TEK: variants seen among roughly 807,000 people sequenced by gnomAD.
TEK encodes angiopoietin-1 receptor.
TEK carries 43 observed loss-of-function variants against 131.8 expected under a neutral mutation model. The ratio of observed to expected loss-of-function variants is 0.33; its 90% confidence interval spans 0.26 to 0.42. TEK has a LOEUF of 0.42. Ranked by LOEUF, TEK falls within the 10% of genes least tolerant of loss-of-function variation. TEK has a pLI of 1.00. For missense variants in TEK, 1,162 were observed against 1,384.4 expected, an observed-to-expected ratio of 0.84 and a Z score of 2.55; for synonymous variants, 580 against 491.6, an observed-to-expected ratio of 1.18 and a Z score of -2.38.
intron 14 of TEK, among the ~76,000 whole-genome samples, 180 bp from the exon 15 acceptor site, chr9:27,206,402 C>T (rs1457538404): frequency 6.6e-6 from 1 of 152,174 alleles, no homozygotes; most frequent in South Asian, 2.1e-4. Flanking sequence ...CCCGTGCAGC[C>T]CTGTGGGCAG....
At chr9:27,182,747 T>C (rs1266129636) in intron 7 of TEK, among the ~76,000 whole-genome samples, 4 of 152,224 alleles carry the variant, frequency 2.6e-5, no homozygotes, top group Non-Finnish European at 5.9e-5. Flanking sequence ...GGGTTATTCA[T>C]TCTCTACTGT....
At chr9:27,194,918 A>G (rs1232426154) in intron 11 of TEK, among the ~76,000 whole-genome samples, 8 of 152,146 alleles carry the variant, frequency 5.3e-5, no homozygotes, top group Admixed American at 2.0e-4. Context: ...TAGTGCAGAA[A>G]GGGGCAGACA....
At chr9:27,217,180 A>AGAGAT (rs1825847321) in intron 18 of TEK, among the ~76,000 whole-genome samples, 1 of 152,222 alleles carries the variant, frequency 6.6e-6, no homozygotes. Context: ...CCCCTTGTCC[A>AGAGAT]GAGATGCTCT....
At chr9:27,211,592 C>T (rs943023475) in intron 16 of TEK, among the ~76,000 whole-genome samples, 3 of 151,972 alleles carry the variant, frequency 2.0e-5, no homozygotes, top group Non-Finnish European at 4.4e-5. Context: ...TCCCAAGTAG[C>T]TGGGACTACA....
chr9:27,219,524 A>AATACCTAATGTATG (rs1825965101), intron 20 of TEK, among the ~76,000 whole-genome samples: 1 of 152,060 alleles, frequency 6.6e-6, no homozygotes, highest in African/African-American at 2.4e-5. Flanking sequence ...CATTAGGACA[A>AATACCTAATGTATG]ATACCTAATG....
Position 27,177,612 on chromosome 9 carries a change from C to T in TEK, c.902-2628C>T, listed in dbSNP as rs141185723. On this transcript the variant is annotated intron_variant, in intron 6 of 22. Coordinates refer to ENST00000380036, the MANE Select transcript of TEK (RefSeq NM_000459.5). ...CTAAAAATACAGAATTAGTCAGGCA[C>T]GGTGGTGCATGCCTTTAATCCCAGC... Among the ~76,000 whole-genome samples the T allele has an allele frequency of 3.9e-3, 590 of 152,248 alleles. 4 individuals carry two copies. Among genetic ancestry groups the T allele is most frequent in the African/African-American group, 0.013 (555 of 41,550 alleles).
intron 20 of TEK, 122 bp downstream of exon 20, chr9:27,218,939 TGGAAATA>T (rs1825932938): frequency 1.0e-6 from 1 of 997,314 alleles, no homozygotes; most frequent in Non-Finnish European, 1.6e-6. Flanking sequence ...AGATGTGACT[TGGAAATA>T]GAAACATAGT....
intron 6 of TEK, among the ~76,000 whole-genome samples, chr9:27,173,720 CTTGTTTTTTTTTTT>C (rs1564076131): frequency 0.011 from 1,216 of 111,962 alleles, 22 homozygotes; most frequent in African/African-American, 0.039. Flanking sequence ...CCATAGAAGA[CTTGTTTTTTTTTTT>C]TGGTTTTTTT....
chr9:27,173,925 G>A (rs1343776087), intron 6 of TEK, among the ~76,000 whole-genome samples: 27 of 134,912 alleles, frequency 2.0e-4, no homozygotes, highest in African/African-American at 5.9e-4. Flanking sequence ...GTGAGACCTC[G>A]TTTAAAAAAA....
In TEK at chr9:27,202,973, A is replaced by T. The variant is rs1453924397; in HGVS notation, c.2063A>T (p.Lys688Met). 3 of 1,613,994 alleles carry T rather than the reference A, an allele frequency of 1.9e-6. No homozygotes were observed. Among genetic ancestry groups the T allele is most frequent in the Non-Finnish European group, 2.5e-6 (3 of 1,180,008 alleles). Residue 688 changes from lysine (K) to methionine (M), a missense_variant, in exon 13 of 23, where the codon AAG becomes ATG. Physicochemically the swap from Lys to Met is moderately conservative, Grantham distance 95 (BLOSUM62 -1). Transcript: ENST00000380036. ...AATGAAGACCAGCACGTTGATGTGA[A>T]GATAAAGAATGCCACCATCACTCAG... ...GKNEDQHVDV[K>M]IKNATITQYQ...
At chr9:27,225,275 T>C (rs1453873781) in intron 21 of TEK, among the ~76,000 whole-genome samples, 3 of 152,188 alleles carry the variant, frequency 2.0e-5, no homozygotes, top group Non-Finnish European at 4.4e-5. Flanking sequence ...AGAGCCTGCA[T>C]AGCCAAGACA....
chr9:27,130,245 T>C (rs1822159791), intron 1 of TEK, among the ~76,000 whole-genome samples: 1 of 152,138 alleles, frequency 6.6e-6, no homozygotes, highest in African/African-American at 2.4e-5. Context: ...GACTTGAGTT[T>C]ATATAAAATT....
intron 21 of TEK, among the ~76,000 whole-genome samples, chr9:27,224,746 G>A (rs1826241125): frequency 6.6e-6 from 1 of 152,168 alleles, no homozygotes; most frequent in African/African-American, 2.4e-5. Context: ...AGGATTGAAA[G>A]TTCTGGCCAG....
intron 1 of TEK, among the ~76,000 whole-genome samples, chr9:27,114,031 G>A (rs1342204179): frequency 1.3e-5 from 2 of 152,158 alleles, no homozygotes; most frequent in Non-Finnish European, 2.9e-5. Flanking sequence ...CTTCCCCTAA[G>A]TTTAGGCTCC....
chr9:27,143,661 C>T (rs549073029), intron 1 of TEK, among the ~76,000 whole-genome samples: 2 of 152,252 alleles, frequency 1.3e-5, no homozygotes, highest in South Asian at 4.1e-4. Flanking sequence ...CTCCTTACTT[C>T]CAGAACAACA....
At position 27,229,513 on chromosome 9, in the gene TEK, G is replaced by A; in HGVS notation, c.*281G>A. ...TTTTTTTAAAAATGTGGACTTCATAGGAAGGCGTGAGTACAATTAGTATAA... is the reference window on the plus strand; with the variant it reads ...TTTTTTTAAAAATGTGGACTTCATAAGAAGGCGTGAGTACAATTAGTATAA... On this transcript the variant is annotated 3_prime_UTR_variant, in exon 23 of 23. Transcript: ENST00000380036. 2.2e-6 allele frequency: 1 copy of A among 460,150 alleles called. No individual in the cohort carries two copies. The highest frequency in any genetic ancestry group is 4.0e-6 in the Non-Finnish European group (1 of 251,552). 28.5% of individuals were successfully genotyped at this position (460,150 alleles called of 1,614,324 possible).
rs1231293794 is a variant in TEK, at chr9:27,229,383, C to T, written c.*151C>T. 2.4e-5 allele frequency: 18 copies of T among 755,072 alleles called. No individual in the cohort carries two copies. The highest frequency in any genetic ancestry group is 4.0e-5 in the Non-Finnish European group (17 of 422,078). 46.8% of individuals were successfully genotyped at this position (755,072 alleles called of 1,614,324 possible). Reference sequence around the variant, plus strand: ...GACCTTCACCACTGTAGATCCCATGCATGGATCTATGTAGTATGCTCTGAC... The same window carrying T: ...GACCTTCACCACTGTAGATCCCATGTATGGATCTATGTAGTATGCTCTGAC... On this transcript the variant is annotated 3_prime_UTR_variant, in exon 23 of 23. Transcript: ENST00000380036.
chr9:27,213,674 TC>T, intron 18 of TEK, 77 bp downstream of exon 18: 1 of 1,089,786 alleles, frequency 9.2e-7, no homozygotes, highest in Non-Finnish European at 1.4e-6. Context: ...TCTGAGACTG[TC>T]AGTGCTCTGT....
At chr9:27,224,219 C>T (rs1166385269) in intron 21 of TEK, among the ~76,000 whole-genome samples, 2 of 151,570 alleles carry the variant, frequency 1.3e-5, no homozygotes, top group Non-Finnish European at 2.9e-5. Context: ...TGCAACTATT[C>T]CAAACAATAG....
Sources: gnomAD v4.1 joint callset for allele counts (sites outside exome capture counted in the v4.1 genomes callset) on GRCh38, gnomAD v4.1.1 for gene constraint, MANE v1.5 for transcripts, NCBI Gene and HGNC (gene_info 2026-07-23, HGNC 2026-07-21) for gene names.